FAF1: variants seen among roughly 807,000 people sequenced by gnomAD.
FAF1 encodes Fas associated factor 1.
A neutral mutation model predicts 92.5 loss-of-function variants in FAF1; 25 were observed. That is an observed-to-expected ratio of 0.27 (90% CI 0.20 to 0.38). FAF1 has a LOEUF of 0.38. FAF1 is among the 10% of genes least tolerant of loss of function. The probability of loss-of-function intolerance (pLI) is 1.00; values close to 1 mark genes in which losing one functional copy is unlikely to be tolerated. For missense variants in FAF1, 636 were observed against 793.3 expected, an observed-to-expected ratio of 0.80 and a Z score of 2.38; for synonymous variants, 234 against 273.2, an observed-to-expected ratio of 0.86 and a Z score of 1.42.
chr1:50,698,851 A>G (rs938564008), intron 7 of FAF1, among the ~76,000 whole-genome samples: 1 of 152,066 alleles, frequency 6.6e-6, no homozygotes, highest in African/African-American at 2.4e-5. Flanking sequence ...TTTAAGAAAT[A>G]AAAAAGATTT....
chr1:50,496,113 T>C (rs753241732), intron 15 of FAF1, among the ~76,000 whole-genome samples: 1 of 152,230 alleles, frequency 6.6e-6, no homozygotes, highest in Non-Finnish European at 1.5e-5. Context: ...AATCATCAGT[T>C]AACTCCTAAA....
At chr1:50,640,438 G>A (rs1257611217) in intron 8 of FAF1, among the ~76,000 whole-genome samples, 2 of 151,678 alleles carry the variant, frequency 1.3e-5, no homozygotes, top group Non-Finnish European at 2.9e-5. Flanking sequence ...GACTACAGGC[G>A]CCCACCACCA....
At chr1:50,805,545 A>G (rs1662160984) in intron 2 of FAF1, among the ~76,000 whole-genome samples, 1 of 152,192 alleles carries the variant, frequency 6.6e-6, no homozygotes, top group South Asian at 2.1e-4. Context: ...AAATGGCAAA[A>G]ATTTCTATAA....
intron 2 of FAF1, among the ~76,000 whole-genome samples, chr1:50,843,912 G>A (rs1261436020): frequency 6.6e-6 from 1 of 152,082 alleles, no homozygotes; most frequent in Admixed American, 6.5e-5. Flanking sequence ...TGTGAGAATT[G>A]CTGGGTATAT....
intron 18 of FAF1, among the ~76,000 whole-genome samples, chr1:50,462,795 C>T (rs546180175): frequency 6.6e-6 from 1 of 152,156 alleles, no homozygotes; most frequent in African/African-American, 2.4e-5. Flanking sequence ...TACTTTTATA[C>T]CCTTTGCTAC....
chr1:50,658,122 T>C (rs1355323243), intron 7 of FAF1, among the ~76,000 whole-genome samples: 1 of 152,094 alleles, frequency 6.6e-6, no homozygotes, highest in Admixed American at 6.5e-5. Flanking sequence ...GAGTGTTACG[T>C]TAATAAAAGA....
intron 12 of FAF1, among the ~76,000 whole-genome samples, chr1:50,574,896 CTCTTTTTT>C (rs1040798697): frequency 8.1e-6 from 1 of 122,916 alleles, no homozygotes. Flanking sequence ...GTTGTATTAA[CTCTTTTTT>C]TTTTTTTTTT....
intron 13 of FAF1, among the ~76,000 whole-genome samples, chr1:50,550,387 T>C (rs905115602): frequency 1.3e-5 from 2 of 149,608 alleles, no homozygotes; most frequent in Non-Finnish European, 3.0e-5. Context: ...GTGGGAGTGC[T>C]TCAGTTGCAA....
intron 4 of FAF1, among the ~76,000 whole-genome samples, chr1:50,752,092 CT>C (rs1005955732): frequency 5.3e-5 from 8 of 152,168 alleles, no homozygotes. Flanking sequence ...GCCTCAGCCT[CT>C]TGAGTAGTTG....
At chr1:50,563,626 T>C (rs1195048574) in intron 13 of FAF1, among the ~76,000 whole-genome samples, 1 of 152,206 alleles carries the variant, frequency 6.6e-6, no homozygotes, top group African/African-American at 2.4e-5. Flanking sequence ...AATAAATGCA[T>C]ACATTCATTT....
chr1:50,557,635 T>C (rs1210373352), intron 13 of FAF1, among the ~76,000 whole-genome samples: 2 of 152,182 alleles, frequency 1.3e-5, no homozygotes, highest in East Asian at 3.8e-4. Flanking sequence ...AGGAACCAAA[T>C]TACTTATATC....
intron 15 of FAF1, among the ~76,000 whole-genome samples, chr1:50,525,393 C>T (rs769063591): frequency 3.9e-5 from 6 of 152,106 alleles, no homozygotes; most frequent in Non-Finnish European, 4.4e-5. Context: ...ACAATAGATT[C>T]GTATGGGTTA....
intron 15 of FAF1, among the ~76,000 whole-genome samples, chr1:50,501,947 A>G (rs1646994799): frequency 6.6e-6 from 1 of 152,218 alleles, no homozygotes; most frequent in Admixed American, 6.5e-5. Context: ...GCCAAAAACT[A>G]GGAAATAATC....
intron 8 of FAF1, among the ~76,000 whole-genome samples, chr1:50,619,818 A>G (rs1653105107): frequency 6.6e-6 from 1 of 151,838 alleles, no homozygotes; most frequent in African/African-American, 2.4e-5. Flanking sequence ...ATTTTCATGG[A>G]CTATATCCTC....
At position 50,460,808 on chromosome 1, in the gene FAF1, ATGTGTGTG is replaced by A. The variant is rs61176999; in HGVS notation, c.1869+14648_1869+14655del. Among the ~76,000 whole-genome samples the A allele has an allele frequency of 1.4e-3, 213 of 147,014 alleles. 2 individuals carry two copies. Among genetic ancestry groups the A allele is most frequent in the African/African-American group, 5.2e-3 (208 of 40,268 alleles). On this transcript the variant is annotated intron_variant, in intron 18 of 18. Coordinates refer to ENST00000396153, the MANE Select transcript of FAF1 (RefSeq NM_007051.3). ...ACCATGCCCAGCTAAGTATTTGTAT[ATGTGTGTG>A]TGTGTGTGTGTGTGTGTGCAGAGAA...
chr1:50,734,501 G>A (rs1480235288), intron 6 of FAF1, among the ~76,000 whole-genome samples: 3 of 152,104 alleles, frequency 2.0e-5, no homozygotes, highest in South Asian at 2.1e-4. Context: ...TTGGGAAGCC[G>A]AGGCGGGTGG....
At chr1:50,651,450 T>C (rs980289938) in intron 8 of FAF1, among the ~76,000 whole-genome samples, 2 of 152,182 alleles carry the variant, frequency 1.3e-5, no homozygotes, top group Non-Finnish European at 2.9e-5. Context: ...TATGGTATTT[T>C]CATAAATTCA....
chr1:50,778,255 G>C (rs1661035212), intron 4 of FAF1, among the ~76,000 whole-genome samples: 1 of 152,104 alleles, frequency 6.6e-6, no homozygotes, highest in African/African-American at 2.4e-5. Flanking sequence ...GGTTTCAGAG[G>C]GGAGATTAAA....
At chr1:50,889,569 T>C (rs559355940) in intron 1 of FAF1, among the ~76,000 whole-genome samples, 5 of 152,368 alleles carry the variant, frequency 3.3e-5, no homozygotes, top group Admixed American at 6.5e-5. Context: ...GTTGTGTCTT[T>C]GTTCTCATTG....
Sources: allele counts gnomAD v4.1 joint callset (sites outside exome capture counted in the v4.1 genomes callset), GRCh38; gene constraint gnomAD v4.1.1; transcripts MANE v1.5; gene names NCBI Gene and HGNC (gene_info 2026-07-23, HGNC 2026-07-21).